Variants in ALK observed in about 807,000 individuals in gnomAD.
ALK encodes the protein ALK receptor tyrosine kinase.
Under a neutral mutation model 163.1 loss-of-function variants are expected in ALK, and 74 were observed. The ratio of observed to expected loss-of-function variants is 0.45; its 90% CI spans 0.38 to 0.55. ALK has a LOEUF of 0.55. Among genes scored for constraint, ALK ranks in the 20% least tolerant of loss-of-function variants. The pLI is 0.00. For missense variants in ALK, 2,063 were observed against 2,105.3 expected (o/e 0.98, Z 0.39); for synonymous variants, 960 against 843.2 (o/e 1.14, Z -2.40).
intron 1 of ALK, among the ~76,000 whole-genome samples, chr2:29,813,162 G>A (rs1664799739): frequency 6.6e-6 from 1 of 152,110 alleles, no homozygotes; most frequent in African/African-American, 2.4e-5. Context: ...CAGTAAATAC[G>A]GCTGACTCCG....
chr2:29,218,912 C>A (rs950436342), intron 23 of ALK, among the ~76,000 whole-genome samples: 3 of 152,254 alleles, frequency 2.0e-5, no homozygotes, highest in African/African-American at 4.8e-5. Context: ...GGATGCCTGG[C>A]AGTGTTGGCT....
At chr2:29,678,571 C>A (rs1677962727) in intron 3 of ALK, among the ~76,000 whole-genome samples, 1 of 150,938 alleles carries the variant, frequency 6.6e-6, no homozygotes, top group Admixed American at 6.6e-5. Flanking sequence ...TTTAGAAGTT[C>A]ATTATTTAAT....
intron 4 of ALK, among the ~76,000 whole-genome samples, chr2:29,524,850 A>G (rs1372034208): frequency 6.6e-6 from 1 of 150,640 alleles, no homozygotes; most frequent in East Asian, 2.0e-4. Flanking sequence ...TAGATGGATG[A>G]GTGGATGGAT....
chr2:29,420,474 C>T (rs930851920), intron 4 of ALK, among the ~76,000 whole-genome samples: 1 of 151,506 alleles, frequency 6.6e-6, no homozygotes, highest in African/African-American at 2.5e-5. Flanking sequence ...ATTTGAGGAA[C>T]GCATTCTGGT....
At chr2:29,529,031 T>C (rs1329785371) in intron 4 of ALK, among the ~76,000 whole-genome samples, 1 of 152,210 alleles carries the variant, frequency 6.6e-6, no homozygotes, top group Non-Finnish European at 1.5e-5. Context: ...TATACTCTGC[T>C]GCTTTCCAGG....
intron 1 of ALK, among the ~76,000 whole-genome samples, chr2:29,885,005 G>C (rs1195485833): frequency 6.6e-6 from 1 of 152,048 alleles, no homozygotes; most frequent in Non-Finnish European, 1.5e-5. Flanking sequence ...TTATGATCAG[G>C]ACTTATCAAT....
At position 29,903,574 on chromosome 2, in the gene ALK, CAATT is replaced by C. The variant is rs200742883; in HGVS notation, c.667+16415_667+16418del. 9.7e-3 allele frequency among the ~76,000 whole-genome samples: 1,470 copies of C among 152,226 alleles called. 14 individuals carry two copies. Among genetic ancestry groups the C allele is most frequent in the African/African-American group, 0.033 (1,352 of 41,550 alleles). ...TTTATTTATCAGTTGGTCTATCAATCAATTGATTGATTGCCTCTGTTCACACAAT... is the reference window on the plus strand; with the variant it reads ...TTTATTTATCAGTTGGTCTATCAATCGATTGATTGCCTCTGTTCACACAAT... On this transcript the variant is annotated intron_variant, in intron 1 of 28. Transcript: ENST00000389048.
chr2:29,894,898 T>G (rs555374925), intron 1 of ALK, among the ~76,000 whole-genome samples: 121 of 151,874 alleles, frequency 8.0e-4, no homozygotes, highest in African/African-American at 2.6e-3. Flanking sequence ...TCCTCTTAAA[T>G]GCACTTGGTG....
chr2:29,388,163 T>C (rs1007070900), intron 4 of ALK, among the ~76,000 whole-genome samples: 2 of 152,204 alleles, frequency 1.3e-5, no homozygotes, highest in African/African-American at 4.8e-5. Flanking sequence ...TAAAGAAAAC[T>C]GTCTGGCACA....
intron 2 of ALK, among the ~76,000 whole-genome samples, chr2:29,699,268 C>A (rs1678661316): frequency 6.6e-6 from 1 of 152,194 alleles, no homozygotes; most frequent in South Asian, 2.1e-4. Context: ...GGCGGTCTTC[C>A]ACGCACTGTC....
At chr2:29,240,638 A>G (rs1664500615) in intron 12 of ALK, among the ~76,000 whole-genome samples, 1 of 152,168 alleles carries the variant, frequency 6.6e-6, no homozygotes, top group Admixed American at 6.5e-5. Context: ...ACAACCCATC[A>G]TGATGAAAAT....
chr2:29,718,838 C>T (rs1299308479), intron 1 of ALK, among the ~76,000 whole-genome samples: 1 of 152,060 alleles, frequency 6.6e-6, no homozygotes, highest in Non-Finnish European at 1.5e-5. Context: ...CTTGGAGGGA[C>T]TTTGTGAAGA....
chr2:29,374,030 T>C (rs1395177433), intron 5 of ALK, among the ~76,000 whole-genome samples: 1 of 152,182 alleles, frequency 6.6e-6, no homozygotes, highest in Non-Finnish European at 1.5e-5. Context: ...AGGTAAATTT[T>C]CCCTTTGCAT....
In ALK at chr2:29,495,670, G is replaced by A. The variant is rs117774746; in HGVS notation, c.1154+36245C>T. On this transcript the variant is annotated intron_variant, in intron 4 of 28. Coordinates refer to ENST00000389048, the MANE Select transcript of ALK (RefSeq NM_004304.5). ...TCATCTATTCCTTATTTTGACAGAG[G>A]AGGAAACACAGGAAGTGACTTACCC... Among the ~76,000 whole-genome samples the A allele has an allele frequency of 1.3e-3, 191 of 152,252 alleles. 2 individuals are homozygous for A. The East Asian group carries it at 0.03, about 24-fold the overall frequency.
In ALK at chr2:29,324,732, C is replaced by T. The variant is rs142975728; in HGVS notation, c.1414+3618G>A. Among the ~76,000 whole-genome samples, 276 of 152,284 alleles carry T rather than the reference C, an allele frequency of 1.8e-3. 2 individuals are homozygous for T. Among genetic ancestry groups the T allele is most frequent in the African/African-American group, 6.4e-3 (268 of 41,562 alleles). On this transcript the variant is annotated intron_variant, in intron 6 of 28. Coordinates refer to ENST00000389048, the MANE Select transcript of ALK (RefSeq NM_004304.5). ...ATTGGTCAGAACGCAGAGAGAGTCA[C>T]GAAGACCCCCTTCAGTGCATTACAG... is the stretch of plus-strand genomic sequence containing the variant.
chr2:29,442,847 CAT>C (rs1414696712), intron 4 of ALK, among the ~76,000 whole-genome samples: 2 of 152,302 alleles, frequency 1.3e-5, no homozygotes, highest in African/African-American at 4.8e-5. Flanking sequence ...TTTGTAAAAA[CAT>C]AGTGTTAGAC....
intron 1 of ALK, among the ~76,000 whole-genome samples, chr2:29,849,712 GCTGGTAC>G (rs1464403499): frequency 1.3e-5 from 2 of 152,084 alleles, no homozygotes; most frequent in African/African-American, 2.4e-5. Flanking sequence ...GGCCAGTTTT[GCTGGTAC>G]CTGGCTGTCA....
chr2:29,636,227 C>T (rs979771560), intron 3 of ALK, among the ~76,000 whole-genome samples: 3 of 151,974 alleles, frequency 2.0e-5, no homozygotes, highest in Non-Finnish European at 4.4e-5. Context: ...CAAATATGCC[C>T]ATATTCTTGA....
In ALK at chr2:29,920,725, G is replaced by A; in HGVS notation, c.-66C>T. 7.1e-7 allele frequency: 1 copy of A among 1,398,800 alleles called. No individual in the cohort carries two copies. Among genetic ancestry groups the A allele is most frequent in the South Asian group, 1.2e-5 (1 of 80,532 alleles). The allele number at this position is 1,398,800 out of a possible 1,614,324, so 86.6% of individuals were successfully genotyped here. On this transcript the variant is annotated 5_prime_UTR_variant, in exon 1 of 29. Coordinates refer to ENST00000389048, the MANE Select transcript of ALK (RefSeq NM_004304.5). ...CCTCACCCTTCGCTCTCCCCGAGAT[G>A]GGAAGAGGCTCTGAACAGTCCTTGG... is the stretch of plus-strand genomic sequence containing the variant.
Sources: gnomAD v4.1 joint callset for allele counts (sites outside exome capture counted in the v4.1 genomes callset) on GRCh38, gnomAD v4.1.1 for gene constraint, MANE v1.5 for transcripts, NCBI Gene and HGNC (gene_info 2026-07-23, HGNC 2026-07-21) for gene names.